Variants in PCDHGA1 observed in about 807,000 individuals in gnomAD.
PCDHGA1 encodes the protein protocadherin gamma subfamily A, 1.
Under a neutral mutation model 58.0 loss-of-function variants are expected in PCDHGA1, and 32 were observed. The ratio of observed to expected loss-of-function variants is 0.55; its 90% CI spans 0.42 to 0.74. The LOEUF (loss-of-function observed/expected upper bound fraction) is 0.74, where lower values mean the gene tolerates loss of function less well. PCDHGA1 is among the 30% of genes least tolerant of loss of function. PCDHGA1 has a pLI of 0.00. For synonymous variants in PCDHGA1, 498 were observed against 501.1 expected, an observed-to-expected ratio of 0.99 and a Z score of 0.08; for missense variants, 1,205 against 1,182.3, an observed-to-expected ratio of 1.02 and a Z score of -0.28.
At chr5:141,365,186 G>T in intron 1 of PCDHGA1, 1 of 1,613,880 alleles carries the variant, frequency 6.2e-7, no homozygotes, top group Non-Finnish European at 8.5e-7. Flanking sequence ...CAATGAAGAA[G>T]AAAAAATTTC....
At position 141,477,579 on chromosome 5, in the gene PCDHGA1, A is replaced by G. The variant is rs774773400; in HGVS notation, c.2422-17228A>G. The stretch of plus-strand genomic sequence containing the variant: ...AGTGTCTGGGACCCCGACGCCCCGC[A>G]GAATGCTCGGCTTTCTTTCTTTCTC... On this transcript the variant is annotated intron_variant, in intron 1 of 3. Coordinates refer to ENST00000517417, the MANE Select transcript of PCDHGA1 (RefSeq NM_018912.3). The surrounding 1 kb of genome is among the most constrained non-coding windows in gnomAD (Gnocchi z 4.9). The G allele has an allele frequency of 1.7e-5, 27 of 1,614,036 alleles. No individual in the cohort carries two copies. The highest frequency in any genetic ancestry group is 2.0e-5 in the Non-Finnish European group (24 of 1,180,036).
At position 141,432,117 on chromosome 5, in the gene PCDHGA1, C is replaced by G. The variant is rs761106133; in HGVS notation, c.2422-62690C>G. The G allele has an allele frequency of 6.2e-7, 1 of 1,614,062 alleles. No homozygotes were observed. The highest frequency in any genetic ancestry group is 8.5e-7 in the Non-Finnish European group (1 of 1,180,048). ...ACCAACGACAACCCGCCGGTCTTCC[C>G]TCAGGCCTCCTATTCCGCTTATATC... is the stretch of plus-strand genomic sequence containing the variant. On this transcript the variant is annotated intron_variant, in intron 1 of 3. Transcript: ENST00000517417. The surrounding 1 kb of genome is among the most constrained non-coding windows in gnomAD (Gnocchi z 6.0).
At chr5:141,345,719 C>A (rs773398716) in intron 1 of PCDHGA1, 5 of 1,614,258 alleles carry the variant, frequency 3.1e-6, no homozygotes, top group Non-Finnish European at 4.2e-6. Context: ...CGCCCGAGAT[C>A]CTGTACCCCG....
intron 1 of PCDHGA1, chr5:141,423,466 G>C (rs770939556): frequency 1.2e-6 from 2 of 1,613,904 alleles, no homozygotes; most frequent in Admixed American, 3.3e-5. Context: ...CGTGGACGGG[G>C]TACAGGCTTT....
rs529029548 is a variant in PCDHGA1 at position 141,483,337 on chromosome 5, T to C, written c.2422-11470T>C. 9.2e-5 allele frequency among the ~76,000 whole-genome samples: 14 copies of C among 152,260 alleles called. No homozygotes were observed. In the East Asian group the frequency reaches 2.5e-3, roughly 27 times the overall value. On this transcript the variant is annotated intron_variant, in intron 1 of 3. Transcript: ENST00000517417. Reference sequence around the variant, plus strand: ...TGGGACTGGAGGCAAAGAGATCTTATCTCTTTGCAATAGTTTGAAAGCTAT... The same window carrying C: ...TGGGACTGGAGGCAAAGAGATCTTACCTCTTTGCAATAGTTTGAAAGCTAT...
intron 1 of PCDHGA1, chr5:141,422,899 G>A: frequency 2.5e-6 from 4 of 1,614,234 alleles, no homozygotes; most frequent in Non-Finnish European, 3.4e-6. Flanking sequence ...GGACCAGAAC[G>A]ACAATGCGCC....
chr5:141,360,322 G>T (rs762271493), intron 1 of PCDHGA1: 41 of 1,613,854 alleles, frequency 2.5e-5, no homozygotes, highest in Non-Finnish European at 3.1e-5. Flanking sequence ...GGACTTGCCA[G>T]CCCGGAAGCT....
rs767400679 is a variant in PCDHGA1, at chr5:141,476,863, C to T, written c.2422-17944C>T. 2.2e-5 allele frequency: 35 copies of T among 1,613,740 alleles called. No individual in the cohort carries two copies. Among genetic ancestry groups the T allele is most frequent in the Non-Finnish European group, 2.8e-5 (33 of 1,180,062 alleles). On this transcript the variant is annotated intron_variant, in intron 1 of 3. Coordinates refer to ENST00000517417, the MANE Select transcript of PCDHGA1 (RefSeq NM_018912.3). The surrounding 1 kb of genome is among the most constrained non-coding windows in gnomAD (Gnocchi z 7.6). ...CGCCTGTCTTCAACCAGTCCTTGTA[C>T]CGGGCGCGCGTCCTGGAGGATGCAC...
chr5:141,362,154 A>G, intron 1 of PCDHGA1: 1 of 1,614,030 alleles, frequency 6.2e-7, no homozygotes, highest in Non-Finnish European at 8.5e-7. Flanking sequence ...AGGTATTGCC[A>G]GACCTCAGCG....
rs577239742 is a variant in PCDHGA1 at position 141,501,564 on chromosome 5, T to C, written c.2481-3829T>C. ...CATAAGATCATAGGCCCTGGAATCA[T>C]ATTAGGCTGGCTTTCAGGTTGCAAC... On this transcript the variant is annotated intron_variant, in intron 2 of 3. Coordinates refer to ENST00000517417, the MANE Select transcript of PCDHGA1 (RefSeq NM_018912.3). 5.9e-5 allele frequency among the ~76,000 whole-genome samples: 9 copies of C among 152,194 alleles called. No individual in the cohort carries two copies. The South Asian group carries it at 1.7e-3, about 28-fold the overall frequency.
At chr5:141,376,382 C>T in intron 1 of PCDHGA1, 2 of 1,614,230 alleles carry the variant, frequency 1.2e-6, no homozygotes, top group Non-Finnish European at 1.7e-6. Flanking sequence ...GCGTAAGAGT[C>T]ATCTGATTTT....
intron 2 of PCDHGA1, among the ~76,000 whole-genome samples, chr5:141,499,146 C>T (rs1415999012): frequency 1.3e-5 from 2 of 152,132 alleles, no homozygotes; most frequent in African/African-American, 4.8e-5. Flanking sequence ...GTGTCTGATC[C>T]CAATAGCTGT....
chr5:141,374,292 G>A (rs1268827954), intron 1 of PCDHGA1: 4 of 1,613,966 alleles, frequency 2.5e-6, no homozygotes, highest in Non-Finnish European at 2.5e-6. Context: ...GTCTCCAGAG[G>A]TAGGATGCAG....
intron 1 of PCDHGA1, chr5:141,351,833 G>C (rs970318141): frequency 6.2e-7 from 1 of 1,613,230 alleles, no homozygotes; most frequent in Non-Finnish European, 8.5e-7. Flanking sequence ...GCGCGCCTTC[G>C]AGCTCACACT....
chr5:141,390,111 G>C (rs2092051894), intron 1 of PCDHGA1: 5 of 1,614,054 alleles, frequency 3.1e-6, no homozygotes, highest in Non-Finnish European at 4.2e-6. Flanking sequence ...CAACTACAGC[G>C]AGGGGACTTT....
In PCDHGA1 at chr5:141,485,429, A is replaced by T. The variant is rs1388904857; in HGVS notation, c.2422-9378A>T. On this transcript the variant is annotated intron_variant, in intron 1 of 3. Transcript: ENST00000517417. This position sits in a 1 kb window ranked among gnomAD's most constrained non-coding sequence, Gnocchi z 5.7. Reference sequence around the variant, plus strand: ...GGATTTGGACAGCGGAGCCCTGCTCATCAAGAACCCAATCGACCGAGAGGC... The same window carrying T: ...GGATTTGGACAGCGGAGCCCTGCTCTTCAAGAACCCAATCGACCGAGAGGC... The T allele has an allele frequency of 6.2e-7, 1 of 1,614,090 alleles. No homozygotes were observed. Among genetic ancestry groups the T allele is most frequent in the Non-Finnish European group, 8.5e-7 (1 of 1,180,052 alleles).
At chr5:141,389,528 G>T (rs200792478) in intron 1 of PCDHGA1, 2 of 1,613,210 alleles carry the variant, frequency 1.2e-6, no homozygotes, top group Non-Finnish European at 1.7e-6. Flanking sequence ...GCCTGCGCGT[G>T]TTAGTGGACG....
chr5:141,344,848 G>A, intron 1 of PCDHGA1: 1 of 1,613,954 alleles, frequency 6.2e-7, no homozygotes, highest in South Asian at 1.1e-5. Context: ...CCTGACGAGG[G>A]ATTCAATGCT....
chr5:141,357,288 A>G (rs1399396689), intron 1 of PCDHGA1: 1 of 1,613,874 alleles, frequency 6.2e-7, no homozygotes, highest in Admixed American at 1.7e-5. Flanking sequence ...TCGTGGTGGC[A>G]GTGGCCGCTG....
Sources: gnomAD v4.1 joint callset for allele counts (sites outside exome capture counted in the v4.1 genomes callset) on GRCh38, gnomAD v4.1.1 for gene constraint, Gnocchi (gnomAD v3.1) non-coding constraint, MANE v1.5 for transcripts, NCBI Gene and HGNC (gene_info 2026-07-23, HGNC 2026-07-21) for gene names.